Variants in EXT1 observed in about 807,000 individuals in gnomAD.
The protein encoded by EXT1 is exostosin glycosyltransferase 1.
EXT1 carries 20 observed loss-of-function variants against 82.5 expected under a neutral mutation model. The ratio of observed to expected loss-of-function variants is 0.24; its 90% CI spans 0.17 to 0.35. The LOEUF (loss-of-function observed/expected upper bound fraction) is 0.35, where lower values mean the gene tolerates loss of function less well. Ranked by LOEUF, EXT1 falls within the 10% of genes least tolerant of loss-of-function variation. The pLI, the probability that EXT1 is intolerant of heterozygous loss-of-function variation, is 1.00. For missense variants in EXT1, 757 were observed against 936.5 expected (o/e 0.81, Z 2.50); for synonymous variants, 348 against 350.8 (o/e 0.99, Z 0.09).
At chr8:117,902,474 A>AG (rs1813467706) in intron 1 of EXT1, among the ~76,000 whole-genome samples, 1 of 152,224 alleles carries the variant, frequency 6.6e-6, no homozygotes, top group Non-Finnish European at 1.5e-5. Context: ...GTGCCAAGAC[A>AG]GTATAACAGG....
intron 1 of EXT1, among the ~76,000 whole-genome samples, chr8:118,053,843 A>G (rs1816755508): frequency 6.6e-6 from 1 of 152,176 alleles, no homozygotes; most frequent in South Asian, 2.1e-4. Flanking sequence ...AGTTCATTCT[A>G]TTATTTTAAA....
At position 117,968,662 on chromosome 8, in the gene EXT1, C is replaced by T. The variant is rs1156694873; in HGVS notation, c.963-131461G>A. ...TCGGCTCACTGCAAGCTCCACCTCC[C>T]GGGTTCACGCCATTCTCCTGCCTCA... On this transcript the variant is annotated intron_variant, in intron 1 of 10. Coordinates refer to ENST00000378204, the MANE Select transcript of EXT1 (RefSeq NM_000127.3). 2.0e-5 allele frequency among the ~76,000 whole-genome samples: 2 copies of T among 98,696 alleles called. 1 individual carries two copies. The highest frequency in any genetic ancestry group is 1.4e-4 in the African/African-American group (2 of 14,094). 64.7% of individuals were successfully genotyped at this position (98,696 alleles called of 152,430 possible). A position where few individuals can be genotyped will look rare whatever the true frequency, so the allele number is the denominator to read the frequency against.
intron 1 of EXT1, among the ~76,000 whole-genome samples, chr8:118,036,452 G>A (rs1395094450): frequency 6.6e-6 from 1 of 152,056 alleles, no homozygotes; most frequent in Admixed American, 6.6e-5. Context: ...TAAATCGCAT[G>A]ATAACTTATC....
intron 1 of EXT1, among the ~76,000 whole-genome samples, chr8:117,949,162 T>A (rs1814442887): frequency 6.6e-6 from 1 of 152,180 alleles, no homozygotes; most frequent in South Asian, 2.1e-4. Context: ...CAGAACCAGA[T>A]GATTCTGCAA....
intron 1 of EXT1, among the ~76,000 whole-genome samples, chr8:117,878,778 C>T (rs1023835516): frequency 2.6e-5 from 4 of 152,208 alleles, no homozygotes; most frequent in African/African-American, 9.7e-5. Context: ...ATTCTAGAAC[C>T]TGAGAACTAT....
intron 1 of EXT1, among the ~76,000 whole-genome samples, chr8:117,964,885 G>A (rs1214513708): frequency 1.6e-4 from 25 of 151,984 alleles, no homozygotes; most frequent in Non-Finnish European, 4.4e-5. Context: ...TGATCTGCCC[G>A]CCTTGGCCTC....
chr8:118,078,623 G>A (rs1817253537), intron 1 of EXT1, among the ~76,000 whole-genome samples: 2 of 151,218 alleles, frequency 1.3e-5, no homozygotes, highest in South Asian at 2.1e-4. Flanking sequence ...AAATACATAC[G>A]TCATCTTTCC....
At chr8:117,921,109 T>C (rs1273439395) in intron 1 of EXT1, among the ~76,000 whole-genome samples, 1 of 152,190 alleles carries the variant, frequency 6.6e-6, no homozygotes, top group Admixed American at 6.5e-5. Context: ...GCTTACAAAG[T>C]AACATCCTGG....
chr8:118,014,440 C>T (rs1191799984), intron 1 of EXT1, among the ~76,000 whole-genome samples: 7 of 152,072 alleles, frequency 4.6e-5, no homozygotes, highest in African/African-American at 7.2e-5. Flanking sequence ...TTCTCATGTC[C>T]GTGCATCCCT....
intron 1 of EXT1, among the ~76,000 whole-genome samples, chr8:118,001,503 T>C (rs116430877): frequency 0.012 from 1,779 of 152,150 alleles, 34 homozygotes; most frequent in African/African-American, 0.039. Flanking sequence ...TTTTTTTTTT[T>C]AATTGAACAT....
At chr8:117,954,967 A>G (rs544495214) in intron 1 of EXT1, among the ~76,000 whole-genome samples, 15 of 152,300 alleles carry the variant, frequency 9.8e-5, no homozygotes, top group Admixed American at 9.2e-4. Flanking sequence ...TGGGTCTCCT[A>G]TACTTCTCAC....
chr8:118,107,507 G>A (rs541742040), intron 1 of EXT1, among the ~76,000 whole-genome samples: 2 of 152,144 alleles, frequency 1.3e-5, no homozygotes, highest in African/African-American at 2.4e-5. Context: ...CTTCAATATC[G>A]CCTCCACCCA....
intron 1 of EXT1, among the ~76,000 whole-genome samples, chr8:117,990,955 A>G (rs1815419682): frequency 6.6e-6 from 1 of 152,012 alleles, no homozygotes; most frequent in Admixed American, 6.6e-5. Context: ...CTAGACTTGC[A>G]CTCTTTCTAA....
At chr8:117,998,481 T>C (rs1815593259) in intron 1 of EXT1, among the ~76,000 whole-genome samples, 1 of 152,084 alleles carries the variant, frequency 6.6e-6, no homozygotes, top group Admixed American at 6.5e-5. Flanking sequence ...TGGCTAATTT[T>C]AAAAATACTT....
At chr8:118,102,796 T>A (rs1018349573) in intron 1 of EXT1, among the ~76,000 whole-genome samples, 2 of 152,236 alleles carry the variant, frequency 1.3e-5, no homozygotes, top group African/African-American at 4.8e-5. Flanking sequence ...CAATCTTCTG[T>A]ATTTTCCCAA....
chr8:117,830,377 T>C (rs1812079015), intron 3 of EXT1, 28 bp from the exon 4 acceptor site: 1 of 1,611,620 alleles, frequency 6.2e-7, no homozygotes, highest in Non-Finnish European at 8.5e-7. Context: ...CACATAGGAA[T>C]TATAACTGTA....
At chr8:117,914,725 C>T (rs1160940967) in intron 1 of EXT1, among the ~76,000 whole-genome samples, 1 of 152,190 alleles carries the variant, frequency 6.6e-6, no homozygotes, top group African/African-American at 2.4e-5. Context: ...TGGGGAAAAA[C>T]TCTGCCCTGA....
chr8:117,939,564 C>T (rs1188066197), intron 1 of EXT1, among the ~76,000 whole-genome samples: 1 of 120,788 alleles, frequency 8.3e-6, no homozygotes, highest in Non-Finnish European at 1.7e-5. Context: ...AGTGAAACTC[C>T]ATCTCTGAAA....
chr8:117,969,291 T>C (rs558316929), intron 1 of EXT1, among the ~76,000 whole-genome samples: 6 of 152,326 alleles, frequency 3.9e-5, no homozygotes, highest in Admixed American at 2.6e-4. Context: ...AAGTAGATTG[T>C]CCTCAGGAAT....
Sources: gnomAD v4.1 joint callset for allele counts (sites outside exome capture counted in the v4.1 genomes callset) on GRCh38, gnomAD v4.1.1 for gene constraint, MANE v1.5 for transcripts, NCBI Gene and HGNC (gene_info 2026-07-23, HGNC 2026-07-21) for gene names.